The following CAPZA2 variants were observed in gnomAD, a reference collection of about 807,000 sequenced individuals.
CAPZA2 encodes the protein capping actin protein of muscle Z-line subunit alpha 2.
CAPZA2 carries 13 observed loss-of-function variants against 44.0 expected under a neutral mutation model. That is an observed-to-expected ratio of 0.30 (90% CI 0.19 to 0.47). CAPZA2 has a LOEUF of 0.47. CAPZA2 is among the 20% of genes least tolerant of loss of function. The pLI, the probability that CAPZA2 is intolerant of heterozygous loss-of-function variation, is 1.00. For synonymous variants in CAPZA2, 94 were observed against 108.2 expected (o/e 0.87, Z 0.81); for missense variants, 244 against 338.6 (o/e 0.72, Z 2.19).
Position 116,896,876 on chromosome 7 carries a change from T to C in CAPZA2, c.156-1896T>C, listed in dbSNP as rs180909250. ...AATTTATCTGGTCCAAACTACTGTTTTTGTATCTATAAAGTAAGTGAGGTG... is the reference window on the plus strand; with the variant it reads ...AATTTATCTGGTCCAAACTACTGTTCTTGTATCTATAAAGTAAGTGAGGTG... On this transcript the variant is annotated intron_variant, in intron 3 of 9. Coordinates refer to ENST00000361183, the MANE Select transcript of CAPZA2 (RefSeq NM_006136.3). 4.5e-4 allele frequency among the ~76,000 whole-genome samples: 68 copies of C among 152,234 alleles called. No individual in the cohort carries two copies. The East Asian group carries it at 9.1e-3, about 20-fold the overall frequency.
At chr7:116,912,750 A>G (rs937212500) in intron 8 of CAPZA2, among the ~76,000 whole-genome samples, 7 of 152,070 alleles carry the variant, frequency 4.6e-5, no homozygotes, top group African/African-American at 1.2e-4. Flanking sequence ...TCTGTGTTCT[A>G]CTTTTTGCTG....
At chr7:116,867,578 CTCTCT>C (rs1295175232) in intron 1 of CAPZA2, among the ~76,000 whole-genome samples, 3 of 138,170 alleles carry the variant, frequency 2.2e-5, no homozygotes, top group Non-Finnish European at 1.5e-5. Flanking sequence ...GTCCATTTCT[CTCTCT>C]TTTTTTTTTT....
intron 1 of CAPZA2, among the ~76,000 whole-genome samples, chr7:116,884,994 T>C (rs925137144): frequency 6.6e-6 from 1 of 152,228 alleles, no homozygotes; most frequent in Admixed American, 6.5e-5. Flanking sequence ...TACTGACTAA[T>C]GATATTAAGC....
intron 1 of CAPZA2, among the ~76,000 whole-genome samples, chr7:116,880,678 T>C (rs1413215438): frequency 7.5e-6 from 1 of 133,732 alleles, no homozygotes; most frequent in Non-Finnish European, 1.6e-5. Flanking sequence ...ATTATAGGCA[T>C]GAGCCACTGT....
intron 4 of CAPZA2, among the ~76,000 whole-genome samples, chr7:116,902,881 A>T (rs1797014605): frequency 6.6e-6 from 1 of 152,000 alleles, no homozygotes; most frequent in Non-Finnish European, 1.5e-5. Flanking sequence ...GACTAATTTT[A>T]AAAAATTTTT....
At chr7:116,900,711 A>G (rs190452168) in intron 4 of CAPZA2, among the ~76,000 whole-genome samples, 81 of 152,296 alleles carry the variant, frequency 5.3e-4, no homozygotes, top group African/African-American at 1.9e-3. Context: ...AAAGGATACT[A>G]TCAACAGAGT....
intron 1 of CAPZA2, among the ~76,000 whole-genome samples, chr7:116,885,678 T>C (rs1240337965): frequency 1.3e-5 from 2 of 152,054 alleles, no homozygotes; most frequent in Non-Finnish European, 2.9e-5. Flanking sequence ...CTCAGGGAAA[T>C]GCTTACTTAC....
intron 1 of CAPZA2, chr7:116,875,673 A>C (rs1204938666): frequency 6.6e-6 from 1 of 151,750 alleles, no homozygotes; most frequent in Non-Finnish European, 1.5e-5. Flanking sequence ...CAGCCTCCCA[A>C]GTTGCTGGGA....
intron 1 of CAPZA2, among the ~76,000 whole-genome samples, chr7:116,865,487 A>G (rs1254137063): frequency 2.0e-5 from 3 of 151,974 alleles, no homozygotes; most frequent in African/African-American, 7.2e-5. Flanking sequence ...TGCCCAGCAG[A>G]CATTATGCTT....
At chr7:116,895,549 G>A (rs73714197) in intron 3 of CAPZA2, among the ~76,000 whole-genome samples, 3,725 of 151,974 alleles carry the variant, frequency 0.025, 151 homozygotes, top group African/African-American at 0.085. Context: ...TGAGGACATC[G>A]GTAATTGTGA....
rs1796431557 is a variant in CAPZA2 at position 116,862,644 on chromosome 7, A to C, written c.33A>C (p.Glu11Asp). The change falls in exon 1 of 10, where the codon GAA becomes GAC. Residue 11 changes from glutamate (E) to aspartate (D), a missense_variant. By Grantham distance (45) the Glu-to-Asp change is conservative (BLOSUM62 2). Transcript: ENST00000361183. ...ATCTGGAGGAGCAGTTGTCTGATGA[A>C]GAGAAGGTAAGAGTCGCGGGGGCGA... is the stretch of plus-strand genomic sequence containing the variant. MADLEEQLSD[E>D]EKVRIAAKFI... is the part of the protein sequence containing the mutation. 6.5e-7 allele frequency: 1 copy of C among 1,539,736 alleles called. No homozygotes were observed. Among genetic ancestry groups the C allele is most frequent in the Admixed American group, 2.0e-5 (1 of 50,386 alleles).
chr7:116,866,531 C>A (rs1240376984), intron 1 of CAPZA2, among the ~76,000 whole-genome samples: 1 of 152,160 alleles, frequency 6.6e-6, no homozygotes, highest in Admixed American at 6.5e-5. Flanking sequence ...CATTTTCATT[C>A]CTGGGTCAGC....
intron 1 of CAPZA2, among the ~76,000 whole-genome samples, chr7:116,871,268 G>A (rs1796551296): frequency 6.6e-6 from 1 of 152,172 alleles, no homozygotes; most frequent in African/African-American, 2.4e-5. Context: ...AGTAGGTGCT[G>A]AGGTCACAGA....
At chr7:116,894,681 C>T (rs1475774298) in intron 3 of CAPZA2, among the ~76,000 whole-genome samples, 1 of 152,092 alleles carries the variant, frequency 6.6e-6, no homozygotes, top group African/African-American at 2.4e-5. Flanking sequence ...CTTGAAAGCC[C>T]CAGGCAACCA....
At chr7:116,904,418 T>A in intron 5 of CAPZA2, 35 bp downstream of exon 5, 2 of 1,272,406 alleles carry the variant, frequency 1.6e-6, no homozygotes, top group Non-Finnish European at 2.3e-6. Context: ...GTGTGTGTTT[T>A]GTGTAAATGT....
rs1721133515 is a variant in CAPZA2 at position 116,919,864 on chromosome 7, C to A, written c.*1997C>A. The A allele has an allele frequency of 6.8e-6, 1 of 146,642 alleles. No homozygotes were observed. The highest frequency in any genetic ancestry group is 2.5e-5 in the African/African-American group (1 of 39,886). 9.1% of individuals were successfully genotyped at this position (146,642 alleles called of 1,614,324 possible). On this transcript the variant is annotated 3_prime_UTR_variant, in exon 10 of 10. Transcript: ENST00000361183. Reference sequence around the variant, plus strand: ...TGGGTGACAGAGCAAGACTCTGTCTCAAAAAATAATAATAATAATAATAAT... The same window carrying A: ...TGGGTGACAGAGCAAGACTCTGTCTAAAAAAATAATAATAATAATAATAAT...
chr7:116,887,715 C>T (rs1796782454), intron 1 of CAPZA2, among the ~76,000 whole-genome samples: 2 of 152,220 alleles, frequency 1.3e-5, no homozygotes, highest in African/African-American at 4.8e-5. Flanking sequence ...CGCCTGTAGT[C>T]CCAGCTACTT....
rs1185421258 is a variant in CAPZA2, at chr7:116,906,360, A to G, written c.506+18A>G. The G allele has an allele frequency of 6.2e-7, 1 of 1,609,384 alleles. No individual in the cohort carries two copies. Among genetic ancestry groups the G allele is most frequent in the South Asian group, 1.1e-5 (1 of 90,326 alleles). The stretch of plus-strand genomic sequence containing the variant: ...AATTTTTGGTAAGTTAAAATTTTGG[A>G]TATTGGGGAGTTTTGGCATTGTTTT... On this transcript the variant is annotated intron_variant, in intron 6 of 9. Coordinates refer to ENST00000361183, the MANE Select transcript of CAPZA2 (RefSeq NM_006136.3).
intron 1 of CAPZA2, chr7:116,874,550 C>G (rs1185127600): frequency 6.6e-6 from 1 of 152,222 alleles, no homozygotes; most frequent in Non-Finnish European, 1.5e-5. Context: ...AGCAGCACGT[C>G]AAGTGCAATG....
Sources: gnomAD v4.1 joint callset for allele counts (sites outside exome capture counted in the v4.1 genomes callset) on GRCh38, gnomAD v4.1.1 for gene constraint, MANE v1.5 for transcripts, NCBI Gene and HGNC (gene_info 2026-07-23, HGNC 2026-07-21) for gene names.